RBM26: variants seen among roughly 807,000 people sequenced by gnomAD.
The protein encoded by RBM26 is RNA-binding protein 26.
In RBM26, 30 loss-of-function variants were observed where a neutral mutation model predicts 123.6. The observed-to-expected ratio is 0.24, with a 90% CI of 0.18 to 0.33. The LOEUF is 0.33. Among genes scored for constraint, RBM26 ranks in the 10% least tolerant of loss-of-function variants. The pLI is 1.00. For synonymous variants in RBM26, 400 were observed against 404.4 expected (o/e 0.99, Z 0.13); for missense variants, 947 against 1,203.6 (o/e 0.79, Z 3.15).
intron 6 of RBM26, among the ~76,000 whole-genome samples, chr13:79,367,882 A>C (rs1165880382): frequency 6.6e-6 from 1 of 152,168 alleles, no homozygotes; most frequent in Non-Finnish European, 1.5e-5. Context: ...ATGAGACTTA[A>C]ATATAATTTT....
intron 1 of RBM26, chr13:79,389,541 AGTCT>A (rs2077762045): frequency 6.6e-6 from 1 of 152,254 alleles, no homozygotes; most frequent in Non-Finnish European, 1.5e-5. Flanking sequence ...CATAAACTAT[AGTCT>A]CTCATCCATG....
chr13:79,372,748 G>T (rs2076035623), intron 3 of RBM26, among the ~76,000 whole-genome samples: 1 of 100,248 alleles, frequency 1.0e-5, no homozygotes, highest in Admixed American at 1.0e-4. Flanking sequence ...GTATCATATT[G>T]TAATTTATTA....
intron 19 of RBM26, 41 bp from the exon 20 acceptor site, chr13:79,334,471 T>C (rs1314405421): frequency 1.7e-6 from 2 of 1,143,574 alleles, no homozygotes; most frequent in East Asian, 2.5e-5. Flanking sequence ...AATAAATATT[T>C]TGAAATATCC....
chr13:79,380,177 T>C (rs535765234), intron 1 of RBM26, among the ~76,000 whole-genome samples: 51 of 152,132 alleles, frequency 3.4e-4, no homozygotes, highest in South Asian at 6.2e-4. Context: ...GATTGTAAAA[T>C]CAAAAATGTG....
intron 1 of RBM26, 144 bp from the exon 2 acceptor site, chr13:79,379,051 T>C: frequency 1.6e-6 from 1 of 610,788 alleles, no homozygotes; most frequent in Non-Finnish European, 2.9e-6. Context: ...CTTGAAGAAA[T>C]TTAAGTTCTC....
chr13:79,391,300 TATA>T (rs1440611847), intron 1 of RBM26, among the ~76,000 whole-genome samples: 11 of 152,240 alleles, frequency 7.2e-5, no homozygotes, highest in Non-Finnish European at 1.6e-4. Flanking sequence ...TAGCTTTCGC[TATA>T]ATATCACTGG....
At chr13:79,397,915 GA>G (rs1028794044) in intron 1 of RBM26, among the ~76,000 whole-genome samples, 5 of 151,942 alleles carry the variant, frequency 3.3e-5, no homozygotes, top group African/African-American at 9.7e-5. Context: ...ACATGTCGCA[GA>G]AAAAAATAAC....
intron 17 of RBM26, 31 bp from the exon 18 acceptor site, chr13:79,341,258 C>T (rs1283974612): frequency 2.2e-6 from 3 of 1,344,456 alleles, no homozygotes; most frequent in South Asian, 2.4e-5. Context: ...TTTTAGGTGA[C>T]AGTAATTACT....
At chr13:79,341,696 G>A (rs1381529520) in intron 17 of RBM26, among the ~76,000 whole-genome samples, 1 of 151,798 alleles carries the variant, frequency 6.6e-6, no homozygotes, top group African/African-American at 2.4e-5. Context: ...GAGTCAAAGG[G>A]AAAGGGGTCT....
chr13:79,353,051 T>G lies in RBM26; in HGVS notation c.2058+102A>C, dbSNP rs181204488. 1.7e-5 allele frequency: 10 copies of G among 602,156 alleles called. No individual in the cohort carries two copies. In the East Asian group the frequency reaches 3.0e-4, roughly 18 times the overall value. 37.3% of individuals were successfully genotyped at this position (602,156 alleles called of 1,614,324 possible). On this transcript the variant is annotated intron_variant, in intron 14 of 21. Transcript: ENST00000438737. ...AGGTAGGAAAAGATACAGATACTAT[T>G]AAGAAGCAAGAGTTTAGAACTATGA...
At chr13:79,325,130 A>T (rs553375195) in intron 20 of RBM26, among the ~76,000 whole-genome samples, 1 of 152,264 alleles carries the variant, frequency 6.6e-6, no homozygotes, top group African/African-American at 2.4e-5. Context: ...CAGTCATATA[A>T]AAGTATGGCA....
chr13:79,329,356 T>C lies in RBM26; in HGVS notation c.2820+4988A>G, dbSNP rs573831462. ...ATATACATATATATATATGTATGTTTTTTTTTCACTCCCAGTTCTGACAAC... is the reference window on the plus strand; with the variant it reads ...ATATACATATATATATATGTATGTTCTTTTTTCACTCCCAGTTCTGACAAC... On this transcript the variant is annotated intron_variant, in intron 20 of 21. Coordinates refer to ENST00000438737, the MANE Select transcript of RBM26 (RefSeq NM_001366735.2). Among the ~76,000 whole-genome samples the C allele has an allele frequency of 4.6e-5, 7 of 152,200 alleles. No individual in the cohort carries two copies. The East Asian group carries it at 1.4e-3, about 29-fold the overall frequency.
In RBM26 at chr13:79,319,081, T is replaced by C. The variant is rs1002025151; in HGVS notation, c.*1540A>G. The C allele has an allele frequency of 2.4e-5, 24 of 984,430 alleles. No homozygotes were observed. In the East Asian group the frequency reaches 4.6e-4, roughly 19 times the overall value. The allele number at this position is 984,430 out of a possible 1,614,324, so 61.0% of individuals were successfully genotyped here. A position where few individuals can be genotyped will look rare whatever the true frequency, so the allele number is the denominator to read the frequency against. ...TAGACACGAATTGCAAGGCAAAGCA[T>C]TTCTATGAAATAGTGTTACCATCAA... On this transcript the variant is annotated 3_prime_UTR_variant, in exon 22 of 22. Transcript: ENST00000438737.
chr13:79,342,522 A>AT lies in RBM26; in HGVS notation c.2427+141dup. The AT allele has an allele frequency of 4.8e-6, 3 of 620,326 alleles. No homozygotes were observed. In the East Asian group the frequency reaches 8.5e-5, roughly 18 times the overall value. The allele number at this position is 620,326 out of a possible 1,614,324, so 38.4% of individuals were successfully genotyped here. A position where few individuals can be genotyped will look rare whatever the true frequency, so the allele number is the denominator to read the frequency against. ...AGAGTTTACTTGTTTGTACTTTTTT[A>AT]TTTATGGCAGGGGGAGAATGGTACA... On this transcript the variant is annotated intron_variant, in intron 17 of 21. Transcript: ENST00000438737.
At chr13:79,354,344 G>C in intron 13 of RBM26, 95 bp downstream of exon 13, 1 of 1,059,054 alleles carries the variant, frequency 9.4e-7, no homozygotes, top group Non-Finnish European at 1.3e-6. Flanking sequence ...ATATTTCTAT[G>C]TAAAATATAT....
At position 79,395,071 on chromosome 13, in the gene RBM26, A is replaced by T. The variant is rs141687306; in HGVS notation, c.71+10633T>A. ...CAGCCTCCACTCAAGTGGCCTAACA[A>T]AAAAAAGGCATGCCCCCTTACTGAA... On this transcript the variant is annotated intron_variant, in intron 1 of 21. Transcript: ENST00000438737. Among the ~76,000 whole-genome samples the T allele has an allele frequency of 6.7e-3, 1,018 of 152,282 alleles. 14 individuals carry two copies. The highest frequency in any genetic ancestry group is 0.023 in the African/African-American group (970 of 41,550).
At chr13:79,358,221 T>C in intron 11 of RBM26, 53 bp downstream of exon 11, 1 of 1,415,348 alleles carries the variant, frequency 7.1e-7, no homozygotes, top group Middle Eastern at 2.0e-4. Context: ...TCTTATTACA[T>C]TAAGTTCCCT....
At chr13:79,370,328 T>A (rs1242064159) in intron 5 of RBM26, among the ~76,000 whole-genome samples, 1 of 152,020 alleles carries the variant, frequency 6.6e-6, no homozygotes, top group East Asian at 1.9e-4. Flanking sequence ...AAACAAAGAT[T>A]AAGAAAAAAA....
chr13:79,391,060 A>G (rs1254284762), intron 1 of RBM26, among the ~76,000 whole-genome samples: 1 of 152,228 alleles, frequency 6.6e-6, no homozygotes, highest in African/African-American at 2.4e-5. Flanking sequence ...ATAAAAATAC[A>G]TAAATAAGGC....
Sources: gnomAD v4.1 joint callset for allele counts (sites outside exome capture counted in the v4.1 genomes callset) on GRCh38, gnomAD v4.1.1 for gene constraint, MANE v1.5 for transcripts, NCBI Gene and HGNC (gene_info 2026-07-23, HGNC 2026-07-21) for gene names.